Variants in ARHGEF10L observed in about 807,000 individuals in gnomAD.
The protein encoded by ARHGEF10L is Rho guanine nucleotide exchange factor 10 like, also known as rho guanine nucleotide exchange factor 10-like protein.
A neutral mutation model predicts 141.2 loss-of-function variants in ARHGEF10L; 69 were observed. The ratio of observed to expected loss-of-function variants is 0.49; its 90% CI spans 0.40 to 0.60. The LOEUF (loss-of-function observed/expected upper bound fraction) is 0.60. Among genes scored for constraint, ARHGEF10L ranks in the 20% least tolerant of loss-of-function variants. ARHGEF10L has a pLI of 0.00. For missense variants in ARHGEF10L, 1,482 were observed against 1,734.3 expected (o/e 0.85, Z 2.58); for synonymous variants, 711 against 718.5 (o/e 0.99, Z 0.17).
chr1:17,569,255 G>A (rs750864016), intron 1 of ARHGEF10L, among the ~76,000 whole-genome samples: 3 of 152,202 alleles, frequency 2.0e-5, no homozygotes, highest in Non-Finnish European at 2.9e-5. Flanking sequence ...TCCCGCCAGA[G>A]GTGCCCCAGA....
Position 17,697,264 on chromosome 1 carries a change from T to G in ARHGEF10L, c.3724T>G (p.Ser1242Ala), listed in dbSNP as rs1254886749. 6.2e-7 allele frequency: 1 copy of G among 1,612,694 alleles called. No individual in the cohort carries two copies. Among genetic ancestry groups the G allele is most frequent in the South Asian group, 1.1e-5 (1 of 91,056 alleles). The change falls in exon 29 of 29, where the codon TCC becomes GCC. Residue 1242 changes from serine (S) to alanine (A), a missense_variant. By Grantham distance (99) the Ser-to-Ala change is moderately conservative (BLOSUM62 1). This residue lies in a region of ARHGEF10L where 858 missense variants were observed against 966.3 expected (regional missense o/e 0.89). Transcript: ENST00000361221. This position sits in a 1 kb window ranked among gnomAD's most constrained non-coding sequence, Gnocchi z 4.8. ...GGAGATTTGCTCTGTGGCCATCATC[T>G]CCGGCGGGCAGGGCTACCGCAACTT... ...RKEICSVAII[S>A]GGQGYRNFGS...
intron 8 of ARHGEF10L, 117 bp downstream of exon 8, chr1:17,613,291 C>T (rs1400918755): frequency 2.5e-6 from 2 of 807,762 alleles, no homozygotes; most frequent in Non-Finnish European, 4.1e-6. Flanking sequence ...CCCTTGAGTC[C>T]CAGGGCTGTC....
chr1:17,541,164 C>T (rs1051715656), intron 1 of ARHGEF10L, among the ~76,000 whole-genome samples: 1 of 152,194 alleles, frequency 6.6e-6, no homozygotes, highest in Non-Finnish European at 1.5e-5. Context: ...GTCCCTTCCC[C>T]TTCCACCAAA....
chr1:17,616,049 T>C, intron 8 of ARHGEF10L, 45 bp from the exon 9 acceptor site: 2 of 1,564,092 alleles, frequency 1.3e-6, no homozygotes, highest in Non-Finnish European at 1.8e-6. Flanking sequence ...GTAGCAGGCA[T>C]CCCAGGCCGT....
chr1:17,534,885 G>A (rs2076553184), upstream of ARHGEF10L, among the ~76,000 whole-genome samples: 2 of 151,988 alleles, frequency 1.3e-5, no homozygotes, highest in Non-Finnish European at 2.9e-5. Flanking sequence ...CACCATGCCG[G>A]GCCACTTTCT....
At chr1:17,560,755 G>A (rs545136399) in intron 1 of ARHGEF10L, among the ~76,000 whole-genome samples, 1 of 152,308 alleles carries the variant, frequency 6.6e-6, no homozygotes, top group East Asian at 1.9e-4. Flanking sequence ...AGTAGAGGTG[G>A]GGTTTCTCCA....
At chr1:17,635,769 G>A (rs1229089148) in intron 18 of ARHGEF10L, among the ~76,000 whole-genome samples, 1 of 152,174 alleles carries the variant, frequency 6.6e-6, no homozygotes, top group Non-Finnish European at 1.5e-5. Context: ...GGAGCCTAGG[G>A]TACGGTGGGC....
rs1275566747 is a variant in ARHGEF10L at position 17,623,378 on chromosome 1, G to A, written c.1200+203G>A. 6.6e-6 allele frequency among the ~76,000 whole-genome samples: 1 copy of A among 152,138 alleles called. No individual in the cohort carries two copies. The highest frequency in any genetic ancestry group is 2.4e-5 in the African/African-American group (1 of 41,430). On this transcript the variant is annotated intron_variant, in intron 12 of 28. Transcript: ENST00000361221. The surrounding 1 kb of genome is among the most constrained non-coding windows in gnomAD (Gnocchi z 4.7). ...GGCCAGGATGTCCTTGGATATACCT[G>A]GCAGGCCATGGTGCTGATGAAGCCA... is the stretch of plus-strand genomic sequence containing the variant.
intron 2 of ARHGEF10L, among the ~76,000 whole-genome samples, chr1:17,582,540 G>T (rs2078663340): frequency 6.6e-6 from 1 of 152,188 alleles, no homozygotes; most frequent in African/African-American, 2.4e-5. Context: ...CTTCATTCCT[G>T]CGCGTGTCTT....
intron 15 of ARHGEF10L, among the ~76,000 whole-genome samples, chr1:17,631,648 TCATCACACGTGACCTGTGC>T (rs1241876009): frequency 6.6e-6 from 1 of 152,196 alleles, no homozygotes; most frequent in Admixed American, 6.5e-5. Context: ...GTGACCCGTG[TCATCACACGTGACCTGTGC>T]CATCACACAT....
Position 17,695,238 on chromosome 1 carries a change from C to T in ARHGEF10L, c.3265C>T (p.Leu1089=), listed in dbSNP as rs746585305. The change falls in exon 28 of 29, where the codon CTG becomes TTG. Residue 1089 remains leucine (L), a synonymous_variant. Transcript: ENST00000361221. ...WVGTDQGVIV[L]LPVPRLEGIP... Reference sequence around the variant, plus strand: ...GGGCACTGACCAGGGTGTCATCGTCCTGCTGCCCGTGCCTCGGCTGGAAGG... The same window carrying T: ...GGGCACTGACCAGGGTGTCATCGTCTTGCTGCCCGTGCCTCGGCTGGAAGG... 17 of 1,605,890 alleles carry T rather than the reference C, an allele frequency of 1.1e-5. No individual in the cohort carries two copies. The East Asian group carries it at 3.8e-4, about 36-fold the overall frequency.
rs1172226558 is a variant in ARHGEF10L at position 17,587,630 on chromosome 1, T to C, written c.208T>C (p.Ser70Pro). The C allele has an allele frequency of 1.9e-6, 3 of 1,611,320 alleles. No homozygotes were observed. The highest frequency in any genetic ancestry group is 2.5e-6 in the Non-Finnish European group (3 of 1,178,614). ...DTDPPLIHLD[S>P]IPVTDPDPAA... is the part of the protein sequence containing the mutation. ...AGACCCCCCACTGATCCACTTGGAC[T>C]CCATCCCTGTCACTGGTAAGATGTT... Residue 70 changes from serine to proline, a missense_variant, in exon 3 of 29, where the codon TCC becomes CCC. Physicochemically the swap from Ser to Pro is moderately conservative, Grantham distance 74 (BLOSUM62 -1). Around this residue, in one of 3 missense-constraint regions of ARHGEF10L, gnomAD observed 232 missense variants for 225.9 expected, o/e 1.03. Coordinates refer to ENST00000361221, the MANE Select transcript of ARHGEF10L (RefSeq NM_018125.4).
At chr1:17,612,808 A>G (rs1176256923) in intron 7 of ARHGEF10L, among the ~76,000 whole-genome samples, 1 of 152,142 alleles carries the variant, frequency 6.6e-6, no homozygotes, top group Non-Finnish European at 1.5e-5. Flanking sequence ...AGCAGCCCAG[A>G]TTCCCTGCTG....
At chr1:17,560,031 C>T (rs963806736) in intron 1 of ARHGEF10L, among the ~76,000 whole-genome samples, 2 of 152,156 alleles carry the variant, frequency 1.3e-5, no homozygotes, top group Non-Finnish European at 2.9e-5. Context: ...CGCATAGCTC[C>T]AAATGCAAAC....
chr1:17,617,185 GGATGCT>G (rs1448419713), intron 9 of ARHGEF10L, among the ~76,000 whole-genome samples: 1 of 152,228 alleles, frequency 6.6e-6, no homozygotes, highest in Non-Finnish European at 1.5e-5. Flanking sequence ...TTGGTCTTAA[GGATGCT>G]GCATAAACCC....
intron 7 of ARHGEF10L, among the ~76,000 whole-genome samples, chr1:17,609,233 C>G (rs759182901): frequency 1.3e-5 from 2 of 152,182 alleles, no homozygotes; most frequent in Non-Finnish European, 2.9e-5. Context: ...GCATGCTGGC[C>G]GGAGGAACAC....
rs1557928249 is a variant in ARHGEF10L at position 17,648,670 on chromosome 1, C to T, written c.2389C>T (p.Leu797=). ...IPAFSSRALS[L]QLGALVHSPV... is the part of the protein sequence containing the mutation. ...TGCCTTCTCCTCCCGGGCACTCAGC[C>T]TGCAGGTGAGTGGAGCGGATCTTGC... Residue 797 remains leucine, a synonymous_variant, in exon 22 of 29, where the codon CTG becomes TTG. Transcript: ENST00000361221. 1.9e-6 allele frequency: 3 copies of T among 1,612,542 alleles called. No individual in the cohort carries two copies. The highest frequency in any genetic ancestry group is 2.7e-5 in the African/African-American group (2 of 75,020).
In ARHGEF10L at chr1:17,619,875, A is replaced by G. The variant is rs900893817; in HGVS notation, c.942+430A>G. On this transcript the variant is annotated intron_variant, in intron 10 of 28. Transcript: ENST00000361221. This position sits in a 1 kb window ranked among gnomAD's most constrained non-coding sequence, Gnocchi z 5.0. ...CTCAGAGCTGCCACAAGCTCCCACC[A>G]GGAACTGAGGCTCTTTAAGAATGGC... Among the ~76,000 whole-genome samples the G allele has an allele frequency of 5.3e-5, 8 of 152,068 alleles. No individual in the cohort carries two copies. The highest frequency in any genetic ancestry group is 1.0e-4 in the Non-Finnish European group (7 of 68,012).
chr1:17,552,615 G>A (rs1181701539), intron 1 of ARHGEF10L, among the ~76,000 whole-genome samples: 2 of 125,920 alleles, frequency 1.6e-5, no homozygotes, highest in Non-Finnish European at 3.2e-5. Flanking sequence ...GTAGATACAG[G>A]GTTTCACCAT....
Sources: gnomAD v4.1 joint callset for allele counts (sites outside exome capture counted in the v4.1 genomes callset) on GRCh38, gnomAD v4.1.1 for gene constraint, gnomAD v4.1.1 regional missense constraint, Gnocchi (gnomAD v3.1) non-coding constraint, MANE v1.5 for transcripts, NCBI Gene and HGNC (gene_info 2026-07-23, HGNC 2026-07-21) for gene names.